Variants in USF2 observed in about 807,000 individuals in gnomAD.
USF2 encodes upstream stimulatory factor 2.
A neutral mutation model predicts 46.9 loss-of-function variants in USF2; 16 were observed. The observed-to-expected ratio is 0.34, with a 90% CI of 0.23 to 0.52. USF2 has a LOEUF of 0.52. Ranked by LOEUF, USF2 falls within the 20% of genes least tolerant of loss-of-function variation. USF2 has a pLI of 0.96. For missense variants in USF2, 411 were observed against 474.0 expected (o/e 0.87, Z 1.23); for synonymous variants, 239 against 194.1 (o/e 1.23, Z -1.92).
intron 5 of USF2, 53 bp from the exon 6 acceptor site, chr19:35,270,664 CA>C (rs2066139576): frequency 1.9e-6 from 3 of 1,612,218 alleles, no homozygotes; most frequent in Non-Finnish European, 2.5e-6. Flanking sequence ...GAAGCCCCCC[CA>C]GCCAGTTCTG....
intron 7 of USF2, chr19:35,277,683 A>G (rs1599634316): frequency 6.6e-6 from 1 of 152,174 alleles, no homozygotes; most frequent in Non-Finnish European, 1.5e-5. Context: ...CCCTCCACAA[A>G]TGGTGCAGAC....
intron 7 of USF2, among the ~76,000 whole-genome samples, chr19:35,271,569 T>C (rs2066157539): frequency 2.6e-5 from 4 of 152,174 alleles, no homozygotes; most frequent in Admixed American, 2.6e-4. Context: ...AGGGAGCACA[T>C]CTGAGGGAGA....
intron 7 of USF2, chr19:35,277,048 G>A (rs982503264): frequency 3.9e-5 from 6 of 152,296 alleles, no homozygotes; most frequent in Non-Finnish European, 5.9e-5. Context: ...GCCGCCTGCC[G>A]AGTTCCTCCA....
Position 35,279,388 on chromosome 19 carries a change from AC to A in USF2, c.*133del. The A allele has an allele frequency of 9.5e-7, 1 of 1,052,116 alleles. No homozygotes were observed. Among genetic ancestry groups the A allele is most frequent in the Non-Finnish European group, 1.3e-6 (1 of 769,672 alleles). The allele number at this position is 1,052,116 out of a possible 1,614,324, so 65.2% of individuals were successfully genotyped here. On this transcript the variant is annotated 3_prime_UTR_variant, in exon 10 of 10. Transcript: ENST00000222305. ...TTTTATAGTAGATTTTTAACAAAAA[AC>A]GGGGAGAAATAATGCATTTCTGTGG... is the stretch of plus-strand genomic sequence containing the variant.
At chr19:35,271,506 C>G (rs2066156440) in intron 7 of USF2, among the ~76,000 whole-genome samples, 2 of 152,180 alleles carry the variant, frequency 1.3e-5, no homozygotes, top group Non-Finnish European at 2.9e-5. Context: ...CTGTCATGCT[C>G]ACATCCCGCA....
intron 7 of USF2, chr19:35,275,065 T>G (rs77574023): frequency 0.045 from 6,820 of 152,360 alleles, 202 homozygotes; most frequent in South Asian, 0.077. Context: ...TTTGTTTGTT[T>G]GTTGTTTTGT....
chr19:35,270,723 T>C lies in USF2; in HGVS notation c.586T>C (p.Phe196Leu). ...TDQSLQAGGQ[F>L]YVMMTPQDVL... ...ACCCCCCACTCTCCCTGCAGGCCAG[T>C]TCTACGTCATGATGACGCCCCAGGA... Residue 196 changes from phenylalanine (F) to leucine (L), a missense_variant, in exon 6 of 10, where the codon TTC (phenylalanine) becomes CTC (leucine). Phe to Leu is a conservative substitution (Grantham distance 22, BLOSUM62 0). This residue lies in a region of USF2 where 318 missense variants were observed against 322.4 expected (regional missense o/e 0.99). Coordinates refer to ENST00000222305, the MANE Select transcript of USF2 (RefSeq NM_003367.4). 1 of 1,613,842 alleles carries C rather than the reference T, an allele frequency of 6.2e-7. No individual in the cohort carries two copies. The highest frequency in any genetic ancestry group is 2.2e-5 in the East Asian group (1 of 44,840).
rs1468905896 is a variant in USF2 at position 35,268,966 on chromosome 19, C to G, written c.-136C>G. 2.5e-5 allele frequency: 4 copies of G among 157,854 alleles called. No homozygotes were observed. Among genetic ancestry groups the G allele is most frequent in the African/African-American group, 9.8e-5 (4 of 40,666 alleles). 9.8% of individuals were successfully genotyped at this position (157,854 alleles called of 1,614,324 possible). ...TGATCAGCGCGAGCGGCTCCCGTAT[C>G]TCCTCCGTCCCCTCCTGCCGCGCGG... On this transcript the variant is annotated 5_prime_UTR_variant, in exon 1 of 10. It adds an upstream start codon to the 5' untranslated region. Coordinates refer to ENST00000222305, the MANE Select transcript of USF2 (RefSeq NM_003367.4).
In USF2 at chr19:35,279,589, G is replaced by T; in HGVS notation, c.*333G>T. On this transcript the variant is annotated 3_prime_UTR_variant, in exon 10 of 10. Coordinates refer to ENST00000222305, the MANE Select transcript of USF2 (RefSeq NM_003367.4). ...GTCCCGCTGCCTCCTGCTCTCTGGA[G>T]GTACTGAGACAGGGTGCTGATGGGA... 3.3e-6 allele frequency: 1 copy of T among 302,398 alleles called. No homozygotes were observed. Among genetic ancestry groups the T allele is most frequent in the Non-Finnish European group, 6.1e-6 (1 of 164,744 alleles). The allele number at this position is 302,398 out of a possible 1,614,324, so 18.7% of individuals were successfully genotyped here. A position where few individuals can be genotyped will look rare whatever the true frequency, so the allele number is the denominator to read the frequency against.
intron 2 of USF2, 29 bp downstream of exon 2, chr19:35,269,521 G>C: frequency 6.5e-7 from 1 of 1,540,912 alleles, no homozygotes; most frequent in Admixed American, 2.0e-5. Context: ...GGCCGCGCCC[G>C]GGGAGGGCTG....
At position 35,279,382 on chromosome 19, in the gene USF2, C is replaced by G. The variant is rs2066280299; in HGVS notation, c.*126C>G. On this transcript the variant is annotated 3_prime_UTR_variant, in exon 10 of 10. Transcript: ENST00000222305. Reference sequence around the variant, plus strand: ...GCGTTTTTTTATAGTAGATTTTTAACAAAAAACGGGGAGAAATAATGCATT... The same window carrying G: ...GCGTTTTTTTATAGTAGATTTTTAAGAAAAAACGGGGAGAAATAATGCATT... The G allele has an allele frequency of 5.6e-6, 6 of 1,073,870 alleles. No homozygotes were observed. Among genetic ancestry groups the G allele is most frequent in the Non-Finnish European group, 7.6e-6 (6 of 791,972 alleles). The allele number at this position is 1,073,870 out of a possible 1,614,324, so 66.5% of individuals were successfully genotyped here. A position where few individuals can be genotyped will look rare whatever the true frequency, so the allele number is the denominator to read the frequency against.
At chr19:35,276,192 C>T (rs1712689479) in intron 7 of USF2, among the ~76,000 whole-genome samples, 3 of 151,462 alleles carry the variant, frequency 2.0e-5, no homozygotes, top group Admixed American at 1.3e-4. Context: ...GTGCTTCAGC[C>T]TCCCAAGTCG....
chr19:35,269,624 C>T lies in USF2; in HGVS notation c.153C>T (p.Ile51=). Residue 51 remains isoleucine, a synonymous_variant, in exon 3 of 10, where the codon ATC becomes ATT. Transcript: ENST00000222305. ...PGAEEQTAVA[I]TSVQQAAFGD... is the part of the protein sequence containing the mutation. ...CGGAGGAGCAGACAGCGGTGGCCATCACCAGCGTCCAGCAGGCGGCGTTCG... is the reference window on the plus strand; with the variant it reads ...CGGAGGAGCAGACAGCGGTGGCCATTACCAGCGTCCAGCAGGCGGCGTTCG... The T allele has an allele frequency of 1.3e-6, 2 of 1,597,848 alleles. No individual in the cohort carries two copies. The highest frequency in any genetic ancestry group is 8.5e-7 in the Non-Finnish European group (1 of 1,173,188).
At chr19:35,278,819 G>A (rs2066269738) in intron 8 of USF2, 27 bp downstream of exon 8, 1 of 1,613,252 alleles carries the variant, frequency 6.2e-7, no homozygotes, top group Non-Finnish European at 8.5e-7. Flanking sequence ...CTCAGTGTCT[G>A]CGGTGGTCCC....
At chr19:35,273,274 G>A (rs1020300331) in intron 7 of USF2, among the ~76,000 whole-genome samples, 3 of 152,146 alleles carry the variant, frequency 2.0e-5, no homozygotes, top group Non-Finnish European at 4.4e-5. Flanking sequence ...CCGGTCACCC[G>A]TGGTGACCCC....
At chr19:35,278,313 G>A in intron 7 of USF2, 1 of 219,188 alleles carries the variant, frequency 4.6e-6, no homozygotes, top group Non-Finnish European at 9.3e-6. Flanking sequence ...CTTCCAGTAT[G>A]TGCCCACTGT....
rs1439454369 is a variant in USF2 at position 35,278,886 on chromosome 19, C to A, written c.823-60C>A. On this transcript the variant is annotated intron_variant, in intron 8 of 9. Coordinates refer to ENST00000222305, the MANE Select transcript of USF2 (RefSeq NM_003367.4). ...CAGCCATGGGGCTCGGGAGTCATCC[C>A]TGGGGTGGAGGCCGGTGGGCGGTGC... The A allele has an allele frequency of 3.1e-6, 5 of 1,592,872 alleles. No homozygotes were observed. In the East Asian group the frequency reaches 6.7e-5, roughly 21 times the overall value.
chr19:35,269,397 G>T (rs1336375712), intron 1 of USF2, 49 bp from the exon 2 acceptor site: 1 of 1,332,066 alleles, frequency 7.5e-7, no homozygotes, highest in Non-Finnish European at 9.6e-7. Context: ...GGGGGCGGGG[G>T]CGCGGGCGCG....
chr19:35,272,830 G>A (rs538722265), intron 7 of USF2, among the ~76,000 whole-genome samples: 1 of 152,158 alleles, frequency 6.6e-6, no homozygotes, highest in African/African-American at 2.4e-5. Context: ...GGGAAGGGGT[G>A]CATCTGAGCT....
Sources: gnomAD v4.1 joint callset for allele counts (sites outside exome capture counted in the v4.1 genomes callset) on GRCh38, gnomAD v4.1.1 for gene constraint, gnomAD v4.1.1 regional missense constraint, MANE v1.5 for transcripts, NCBI Gene and HGNC (gene_info 2026-07-23, HGNC 2026-07-21) for gene names.